Variants in FAM76B observed in about 807,000 individuals in gnomAD.
FAM76B encodes family with sequence similarity 76 member B, also known as protein FAM76B.
In FAM76B, 16 loss-of-function variants were observed where a neutral mutation model predicts 51.8. The ratio of observed to expected loss-of-function variants is 0.31; its 90% CI spans 0.21 to 0.47. FAM76B has a LOEUF of 0.47. FAM76B is among the 20% of genes least tolerant of loss of function. FAM76B has a pLI of 1.00. For missense variants in FAM76B, 342 were observed against 392.6 expected, an observed-to-expected ratio of 0.87 and a Z score of 1.09; for synonymous variants, 166 against 129.5, an observed-to-expected ratio of 1.28 and a Z score of -1.91.
At chr11:95,773,778 T>C (rs1330536298) in intron 9 of FAM76B, among the ~76,000 whole-genome samples, 1 of 151,382 alleles carries the variant, frequency 6.6e-6, no homozygotes, top group Non-Finnish European at 1.5e-5. Context: ...CCTAATTAAG[T>C]GAATAAGAGT....
chr11:95,772,066 T>G (rs920399845), intron 9 of FAM76B, among the ~76,000 whole-genome samples: 14 of 151,176 alleles, frequency 9.3e-5, no homozygotes, highest in Non-Finnish European at 1.9e-4. Context: ...GGGAGGAGTA[T>G]TTCCTGGCAA....
chr11:95,788,873 A>G (rs775328271), intron 1 of FAM76B: 2 of 1,375,012 alleles, frequency 1.5e-6, no homozygotes, highest in Non-Finnish European at 1.9e-6. Context: ...GCTCACAGAC[A>G]GCATCCAGGC....
In FAM76B at chr11:95,771,416, A is replaced by AT; in HGVS notation, c.*144dup. 1 of 550,784 alleles carries AT rather than the reference A, an allele frequency of 1.8e-6. No homozygotes were observed. The highest frequency in any genetic ancestry group is 2.2e-5 in the South Asian group (1 of 46,044). The allele number at this position is 550,784 out of a possible 1,614,324, so 34.1% of individuals were successfully genotyped here. ...TGTTTTACAACTTAAAAAATGCTGTATATCAATTACAAAAGTGAACAGGAA... is the reference window on the plus strand; with the variant it reads ...TGTTTTACAACTTAAAAAATGCTGTATTATCAATTACAAAAGTGAACAGGAA... On this transcript the variant is annotated 3_prime_UTR_variant, in exon 10 of 10. Coordinates refer to ENST00000358780, the MANE Select transcript of FAM76B (RefSeq NM_144664.5).
At chr11:95,782,171 T>TA (rs1565291557) in intron 5 of FAM76B, among the ~76,000 whole-genome samples, 1 of 152,166 alleles carries the variant, frequency 6.6e-6, no homozygotes. Context: ...AATTGCATTT[T>TA]AAAAAATCTT....
intron 1 of FAM76B, chr11:95,789,000 G>A (rs1860790074): frequency 2.0e-5 from 27 of 1,355,540 alleles, no homozygotes; most frequent in African/African-American, 5.8e-5. Context: ...TTCCTAGCAA[G>A]AAAGTGCAAA....
At chr11:95,786,814 G>C (rs1437424728) in intron 3 of FAM76B, 2 of 152,364 alleles carry the variant, frequency 1.3e-5, no homozygotes, top group African/African-American at 4.8e-5. Context: ...ATATTCAAAA[G>C]ATGATTCAGG....
chr11:95,786,192 T>C lies in FAM76B; in HGVS notation c.290A>G (p.Tyr97Cys), dbSNP rs2120295648. The stretch of plus-strand genomic sequence containing the variant: ...CTGTTCACAGGTCTGAGGTGGTCCA[T>C]ACTTTTTTTCTGAATTTGTGCAACG... ...CQRCTNSEKK[Y>C]GPPQTCEQCK... The change falls in exon 4 of 10, where the codon TAT becomes TGT. Residue 97 changes from tyrosine (Y) to cysteine (C), a missense_variant. This residue lies in a region of FAM76B where 16 missense variants were observed against 40.5 expected (regional missense o/e 0.40). Transcript: ENST00000358780. The C allele has an allele frequency of 1.2e-6, 2 of 1,614,172 alleles. No homozygotes were observed. The highest frequency in any genetic ancestry group is 1.7e-6 in the Non-Finnish European group (2 of 1,180,008).
chr11:95,772,430 T>G (rs1473922487), intron 9 of FAM76B, among the ~76,000 whole-genome samples: 1 of 151,260 alleles, frequency 6.6e-6, no homozygotes, highest in Non-Finnish European at 1.5e-5. Flanking sequence ...AGTGAATATT[T>G]TCACATTTTG....
rs925026952 is a variant in FAM76B at position 95,775,958 on chromosome 11, C to G, written c.894G>C (p.Met298Ile). 9 of 1,592,896 alleles carry G rather than the reference C, an allele frequency of 5.7e-6. No individual in the cohort carries two copies. In the African/African-American group the frequency reaches 9.5e-5, roughly 17 times the overall value. ...CCACAGTTTCTTTGTGGGCTTTTTCCATACTGTTCATTTTTGTTCTCAAAT... is the reference window on the plus strand; with the variant it reads ...CCACAGTTTCTTTGTGGGCTTTTTCGATACTGTTCATTTTTGTTCTCAAAT... ...ESNLRTKMNS[M>I]EKAHKETVEQ... is the part of the protein sequence containing the mutation. The change falls in exon 9 of 10, where the codon ATG (methionine) becomes ATC (isoleucine). Residue 298 changes from methionine (M) to isoleucine (I), a missense_variant. Met to Ile is a conservative substitution (Grantham distance 10). This residue lies in a region of FAM76B where 230 missense variants were observed against 257.4 expected (regional missense o/e 0.89). Coordinates refer to ENST00000358780, the MANE Select transcript of FAM76B (RefSeq NM_144664.5).
intron 9 of FAM76B, among the ~76,000 whole-genome samples, chr11:95,773,928 A>G (rs1487847689): frequency 6.6e-6 from 1 of 151,332 alleles, no homozygotes; most frequent in Non-Finnish European, 1.5e-5. Context: ...AGCAAGATCC[A>G]TCTTGTGTCA....
In FAM76B at chr11:95,771,433, G is replaced by A. The variant is rs535138380; in HGVS notation, c.*128C>T. ...AATGCTGTATATCAATTACAAAAGTGAACAGGAAACACACCAATTCATTTG... is the reference window on the plus strand; with the variant it reads ...AATGCTGTATATCAATTACAAAAGTAAACAGGAAACACACCAATTCATTTG... On this transcript the variant is annotated 3_prime_UTR_variant, in exon 10 of 10. Transcript: ENST00000358780. 3 of 604,452 alleles carry A rather than the reference G, an allele frequency of 5.0e-6. No individual in the cohort carries two copies. The highest frequency in any genetic ancestry group is 8.6e-6 in the Non-Finnish European group (3 of 347,740). The allele number at this position is 604,452 out of a possible 1,614,324, so 37.4% of individuals were successfully genotyped here.
chr11:95,786,359 G>A, intron 3 of FAM76B, 85 bp from the exon 4 acceptor site: 2 of 1,437,268 alleles, frequency 1.4e-6, no homozygotes, highest in Non-Finnish European at 1.8e-6. Context: ...ACATATTTCT[G>A]GAATTAAGAA....
intron 9 of FAM76B, among the ~76,000 whole-genome samples, chr11:95,774,520 T>C (rs1448173153): frequency 5.3e-5 from 8 of 151,434 alleles, no homozygotes; most frequent in South Asian, 4.1e-4. Context: ...TGAGCACCTA[T>C]TGCAGTTATT....
intron 8 of FAM76B, among the ~76,000 whole-genome samples, chr11:95,778,437 T>C (rs1356484832): frequency 6.6e-6 from 1 of 151,496 alleles, no homozygotes. Flanking sequence ...TACAAATATA[T>C]GACTGGATTG....
rs1482075092 is a variant in FAM76B, at chr11:95,784,564, G to GTA, written c.364-1302_364-1301dup. On this transcript the variant is annotated intron_variant, in intron 4 of 9. Transcript: ENST00000358780. ...TTAAATTAATCGACAGTGTGTGTGT[G>GTA]TATATATACACACACACACACACAC... Among the ~76,000 whole-genome samples, 145 of 144,498 alleles carry GTA rather than the reference G, an allele frequency of 1.0e-3. 1 individual carries two copies. The highest frequency in any genetic ancestry group is 7.0e-3 in the Middle Eastern group (2 of 286). The allele number at this position is 144,498 out of a possible 152,430, so 94.8% of individuals were successfully genotyped here. A position where few individuals can be genotyped will look rare whatever the true frequency, so the allele number is the denominator to read the frequency against.
intron 5 of FAM76B, among the ~76,000 whole-genome samples, chr11:95,781,203 T>C (rs1424790660): frequency 6.6e-6 from 1 of 152,030 alleles, no homozygotes; most frequent in African/African-American, 2.4e-5. Flanking sequence ...CACTTGGAAT[T>C]CCCATCTTAT....
intron 3 of FAM76B, 146 bp from the exon 4 acceptor site, chr11:95,786,420 C>T: frequency 1.3e-6 from 1 of 786,860 alleles, no homozygotes; most frequent in Non-Finnish European, 1.9e-6. Context: ...CTGTCACATG[C>T]AATAACTTTT....
At chr11:95,773,058 TAA>T (rs1305799919) in intron 9 of FAM76B, among the ~76,000 whole-genome samples, 1 of 151,178 alleles carries the variant, frequency 6.6e-6, no homozygotes, top group Non-Finnish European at 1.5e-5. Flanking sequence ...CTAGATCTGT[TAA>T]GTTATATTTA....
chr11:95,783,589 T>G (rs1044788712), intron 4 of FAM76B, among the ~76,000 whole-genome samples: 4 of 152,218 alleles, frequency 2.6e-5, no homozygotes. Flanking sequence ...CCAAGAAATA[T>G]AGCCTGAATT....
Sources: gnomAD v4.1 joint callset for allele counts (sites outside exome capture counted in the v4.1 genomes callset) on GRCh38, gnomAD v4.1.1 for gene constraint, gnomAD v4.1.1 regional missense constraint, MANE v1.5 for transcripts, NCBI Gene and HGNC (gene_info 2026-07-23, HGNC 2026-07-21) for gene names.